ZCWPW2: variants seen among roughly 807,000 people sequenced by gnomAD.
ZCWPW2 encodes the protein zinc finger CW-type and PWWP domain containing 2.
Under a neutral mutation model 46.6 loss-of-function variants are expected in ZCWPW2, and 45 were observed. The ratio of observed to expected loss-of-function variants is 0.96; its 90% CI spans 0.76 to 1.24. The LOEUF (loss-of-function observed/expected upper bound fraction) is 1.24, where lower values mean the gene tolerates loss of function less well. Among genes scored for constraint, ZCWPW2 ranks in the 50% most tolerant of loss-of-function variants. ZCWPW2 has a pLI of 0.00. For missense variants in ZCWPW2, 429 were observed against 403.9 expected (o/e 1.06, Z -0.53); for synonymous variants, 152 against 137.1 (o/e 1.11, Z -0.76).
intron 4 of ZCWPW2, among the ~76,000 whole-genome samples, chr3:28,470,294 A>T (rs1305813828): frequency 6.6e-6 from 1 of 152,162 alleles, no homozygotes; most frequent in Non-Finnish European, 1.5e-5. Flanking sequence ...GGAGACCGAG[A>T]CCATCCTGGC....
At chr3:28,504,039 T>C (rs970155806) in intron 6 of ZCWPW2, among the ~76,000 whole-genome samples, 1 of 151,722 alleles carries the variant, frequency 6.6e-6, no homozygotes, top group African/African-American at 2.4e-5. Flanking sequence ...CTACTAAAAA[T>C]TCAAAAATTA....
intron 5 of ZCWPW2, among the ~76,000 whole-genome samples, chr3:28,491,737 T>C (rs2125816568): frequency 6.6e-6 from 1 of 152,158 alleles, no homozygotes; most frequent in South Asian, 2.1e-4. Flanking sequence ...AAAGTCCTTG[T>C]CCCATGTCCA....
At chr3:28,486,186 G>A (rs1699594289) in intron 5 of ZCWPW2, among the ~76,000 whole-genome samples, 1 of 151,962 alleles carries the variant, frequency 6.6e-6, no homozygotes, top group Admixed American at 6.6e-5. Context: ...CCTGTTTCAG[G>A]AATAGTACAA....
intron 1 of ZCWPW2, among the ~76,000 whole-genome samples, chr3:28,381,735 A>G (rs1244494099): frequency 1.3e-5 from 2 of 152,134 alleles, no homozygotes; most frequent in Non-Finnish European, 2.9e-5. Flanking sequence ...GCAGTGAGCT[A>G]TGATCCCACC....
chr3:28,382,102 C>T (rs1695126688), intron 1 of ZCWPW2, among the ~76,000 whole-genome samples: 1 of 141,362 alleles, frequency 7.1e-6, no homozygotes. Context: ...GTGGAGGTTG[C>T]AGTGAGCTGA....
chr3:28,397,822 T>C (rs1695765256), intron 2 of ZCWPW2, among the ~76,000 whole-genome samples: 1 of 152,234 alleles, frequency 6.6e-6, no homozygotes, highest in Admixed American at 6.5e-5. Flanking sequence ...CGTACTGTTA[T>C]TAAGTTGCTT....
chr3:28,500,022 C>A (rs1453897961), intron 6 of ZCWPW2, among the ~76,000 whole-genome samples: 1 of 152,006 alleles, frequency 6.6e-6, no homozygotes, highest in African/African-American at 2.4e-5. Context: ...TCACAATTCA[C>A]TTAACCTTTC....
At chr3:28,401,564 A>G (rs1415968959) in intron 2 of ZCWPW2, among the ~76,000 whole-genome samples, 3 of 152,218 alleles carry the variant, frequency 2.0e-5, no homozygotes, top group Non-Finnish European at 4.4e-5. Context: ...ATGGTTTTAA[A>G]GTATACCCTG....
intron 1 of ZCWPW2, among the ~76,000 whole-genome samples, chr3:28,389,641 T>C (rs945108981): frequency 6.6e-6 from 1 of 152,194 alleles, no homozygotes; most frequent in African/African-American, 2.4e-5. Flanking sequence ...GATTTTGTTC[T>C]TTTAGAACAA....
At chr3:28,515,464 A>G in intron 7 of ZCWPW2, 90 bp from the exon 8 acceptor site, 2 of 921,880 alleles carry the variant, frequency 2.2e-6, no homozygotes, top group Non-Finnish European at 3.4e-6. Context: ...TGCATTTATA[A>G]TCTACAGTTA....
At chr3:28,489,704 ACC>A (rs1553641730) in intron 5 of ZCWPW2, among the ~76,000 whole-genome samples, 1 of 145,276 alleles carries the variant, frequency 6.9e-6, no homozygotes, top group Admixed American at 6.9e-5. Flanking sequence ...ACACACACAC[ACC>A]CCATGTCTAC....
intron 2 of ZCWPW2, among the ~76,000 whole-genome samples, chr3:28,395,105 A>G (rs574513471): frequency 9.2e-4 from 140 of 152,260 alleles, no homozygotes; most frequent in African/African-American, 3.3e-3. Flanking sequence ...CGACTTAAGT[A>G]GGCATTTCAC....
intron 1 of ZCWPW2, among the ~76,000 whole-genome samples, chr3:28,369,946 C>G (rs1705263195): frequency 6.6e-6 from 1 of 152,170 alleles, no homozygotes; most frequent in Non-Finnish European, 1.5e-5. Flanking sequence ...GGGTGTAGGA[C>G]CCTCCGAGCC....
intron 1 of ZCWPW2, among the ~76,000 whole-genome samples, chr3:28,361,500 C>G (rs1300789262): frequency 6.7e-6 from 1 of 148,606 alleles, no homozygotes; most frequent in African/African-American, 2.4e-5. Flanking sequence ...GATATGACAC[C>G]AAAAGCACAG....
chr3:28,429,101 C>T (rs549569612), intron 3 of ZCWPW2, among the ~76,000 whole-genome samples: 30 of 152,070 alleles, frequency 2.0e-4, no homozygotes, highest in African/African-American at 6.5e-4. Context: ...TTGGAGGGCT[C>T]GATACAAGAC....
chr3:28,414,325 CT>C (rs1696548421), intron 3 of ZCWPW2, among the ~76,000 whole-genome samples: 1 of 150,784 alleles, frequency 6.6e-6, no homozygotes, highest in Non-Finnish European at 1.5e-5. Context: ...TGTTTCTTCT[CT>C]TTTCAAATCT....
intron 4 of ZCWPW2, among the ~76,000 whole-genome samples, chr3:28,453,000 T>C (rs1243223353): frequency 6.6e-6 from 1 of 152,196 alleles, no homozygotes; most frequent in South Asian, 2.1e-4. Context: ...AATGAGACCA[T>C]TGCTGCAATG....
At chr3:28,442,273 A>G (rs1256648778) in intron 4 of ZCWPW2, among the ~76,000 whole-genome samples, 1 of 152,200 alleles carries the variant, frequency 6.6e-6, no homozygotes, top group Non-Finnish European at 1.5e-5. Context: ...TTCACCTTAG[A>G]AGGAATATCT....
intron 1 of ZCWPW2, among the ~76,000 whole-genome samples, chr3:28,365,432 G>C (rs1705089894): frequency 7.1e-6 from 1 of 140,758 alleles, no homozygotes; most frequent in Non-Finnish European, 1.6e-5. Context: ...GTTTTTGTCA[G>C]GTTTGTCAAA....
Sources: allele counts gnomAD v4.1 joint callset (sites outside exome capture counted in the v4.1 genomes callset), GRCh38; gene constraint gnomAD v4.1.1; transcripts MANE v1.5; gene names NCBI Gene and HGNC (gene_info 2026-07-23, HGNC 2026-07-21).